EIF2AK4: variants seen among roughly 807,000 people sequenced by gnomAD.
The protein encoded by EIF2AK4 is eukaryotic translation initiation factor 2 alpha kinase 4.
In EIF2AK4, 139 loss-of-function variants were observed where a neutral mutation model predicts 211.1. The observed-to-expected ratio is 0.66, with a 90% CI of 0.57 to 0.76. The LOEUF is 0.76. Ranked by LOEUF, EIF2AK4 falls within the 30% of genes least tolerant of loss-of-function variation. EIF2AK4 has a pLI of 0.00. For synonymous variants in EIF2AK4, 710 were observed against 751.3 expected (o/e 0.94, Z 0.90); for missense variants, 1,664 against 2,043.8 (o/e 0.81, Z 3.58).
chr15:39,935,917 A>G (rs972263038), intron 1 of EIF2AK4, among the ~76,000 whole-genome samples: 5 of 152,266 alleles, frequency 3.3e-5, no homozygotes, highest in Admixed American at 3.3e-4. Flanking sequence ...CCTTAACATG[A>G]CAGAGAAGTT....
intron 14 of EIF2AK4, among the ~76,000 whole-genome samples, chr15:39,987,654 G>T (rs575400509): frequency 5.9e-5 from 9 of 152,148 alleles, no homozygotes; most frequent in East Asian, 1.9e-4. Flanking sequence ...GTTTGGAAGC[G>T]ATCTTGTAAA....
chr15:40,009,645 C>A lies in EIF2AK4; in HGVS notation c.3608C>A (p.Thr1203Asn). The A allele has an allele frequency of 6.2e-7, 1 of 1,604,736 alleles. No individual in the cohort carries two copies. Among genetic ancestry groups the A allele is most frequent in the Non-Finnish European group, 8.5e-7 (1 of 1,176,272 alleles). The change falls in exon 26 of 39, where the codon ACC (threonine) becomes AAC (asparagine). Residue 1203 changes from threonine to asparagine, a missense_variant. By Grantham distance (65) the Thr-to-Asn change is moderately conservative. Transcript: ENST00000263791. ...ERNYSIYLNH[T>N]MLLKAILLHC... is the part of the protein sequence containing the mutation. ...AATTACAGTATTTATTTGAACCATA[C>A]CATGTTATTGAAAGCAATACTCTTA...
intron 26 of EIF2AK4, among the ~76,000 whole-genome samples, chr15:40,010,240 G>A (rs12592831): frequency 0.62 from 94,183 of 152,044 alleles, 29,527 homozygotes; most frequent in African/African-American, 0.71. Flanking sequence ...AACTGTTCAT[G>A]TTGAGAATAA....
At chr15:40,027,593 T>C (rs560804563) in intron 33 of EIF2AK4, among the ~76,000 whole-genome samples, 16 of 152,214 alleles carry the variant, frequency 1.1e-4, no homozygotes, top group Non-Finnish European at 2.2e-4. Context: ...GGATGTTTAA[T>C]ATAATCCCAT....
At chr15:40,025,893 T>G (rs2035460024) in intron 32 of EIF2AK4, 84 bp from the exon 33 acceptor site, 1 of 1,298,622 alleles carries the variant, frequency 7.7e-7, no homozygotes, top group African/African-American at 1.5e-5. Flanking sequence ...AAACTATTGA[T>G]TTAGTAGTCT....
At chr15:40,030,968 G>A (rs543995504) in intron 35 of EIF2AK4, among the ~76,000 whole-genome samples, 14 of 152,192 alleles carry the variant, frequency 9.2e-5, no homozygotes, top group Non-Finnish European at 1.6e-4. Flanking sequence ...GGCCAGGTGC[G>A]GTGGCTTATG....
Position 39,990,384 on chromosome 15 carries a change from AT to A in EIF2AK4, c.2631+11del. The A allele has an allele frequency of 6.2e-7, 1 of 1,610,232 alleles. No homozygotes were observed. The highest frequency in any genetic ancestry group is 8.5e-7 in the Non-Finnish European group (1 of 1,176,744). On this transcript the variant is annotated splice_region_variant and intron_variant, in intron 16 of 38. Coordinates refer to ENST00000263791, the MANE Select transcript of EIF2AK4 (RefSeq NM_001013703.4). ...AGACCATCTAGCCTTTTCTGTAAGT[AT>A]TTTAAAAATTAGACTGTACCTAAAA...
chr15:40,019,817 G>A (rs1420655482), intron 30 of EIF2AK4, among the ~76,000 whole-genome samples: 3 of 152,022 alleles, frequency 2.0e-5, no homozygotes, highest in South Asian at 2.1e-4. Flanking sequence ...TATCTGTAAC[G>A]TACCATATAA....
chr15:40,032,436 CTT>C (rs2035556137), intron 36 of EIF2AK4, among the ~76,000 whole-genome samples, 199 bp downstream of exon 36: 2 of 152,198 alleles, frequency 1.3e-5, no homozygotes, highest in Admixed American at 6.5e-5. Context: ...CTTTGTTCCT[CTT>C]TAAGATAGAG....
In EIF2AK4 at chr15:39,988,204, A is replaced by T. The variant is rs982626395; in HGVS notation, c.2526+99A>T. On this transcript the variant is annotated intron_variant, in intron 15 of 38. Transcript: ENST00000263791. ...TAAGATTGGAGAAAAACTGAAATAG[A>T]GGGAAAGCTATGGGTATATTGACAT... 2.9e-6 allele frequency: 4 copies of T among 1,368,464 alleles called. No individual in the cohort carries two copies. In the Admixed American group the frequency reaches 7.5e-5, roughly 26 times the overall value. The allele number at this position is 1,368,464 out of a possible 1,614,324, so 84.8% of individuals were successfully genotyped here.
At chr15:40,009,150 G>C (rs2035203384) in intron 25 of EIF2AK4, among the ~76,000 whole-genome samples, 1 of 151,710 alleles carries the variant, frequency 6.6e-6, no homozygotes, top group Non-Finnish European at 1.5e-5. Context: ...GGTGTGCAGT[G>C]ATACTATCAC....
intron 13 of EIF2AK4, among the ~76,000 whole-genome samples, chr15:39,983,231 C>G (rs1224177849): frequency 6.6e-6 from 1 of 152,176 alleles, no homozygotes; most frequent in African/African-American, 2.4e-5. Context: ...TTTTAATGAT[C>G]ACCATTCTAA....
At chr15:40,008,440 A>T (rs868159989) in intron 25 of EIF2AK4, among the ~76,000 whole-genome samples, 44 of 152,140 alleles carry the variant, frequency 2.9e-4, no homozygotes, top group Non-Finnish European at 5.3e-4. Flanking sequence ...AAAATGCAAG[A>T]TATCAGGCTA....
rs537808731 is a variant in EIF2AK4 at position 40,003,206 on chromosome 15, G to C, written c.3249G>C (p.Leu1083Phe). 4.3e-5 allele frequency: 70 copies of C among 1,614,124 alleles called. 1 individual carries two copies. In the East Asian group the frequency reaches 6.9e-4, roughly 16 times the overall value. Residue 1083 changes from leucine to phenylalanine, a missense_variant, in exon 23 of 39, where the codon TTG becomes TTC. By Grantham distance (22) the Leu-to-Phe change is conservative. Transcript: ENST00000263791. ...CATTTGGTGTAGGAGCTGTTCAGTT[G>C]TGTACTCCACTACTGCTTCCCCGAA... is the stretch of plus-strand genomic sequence containing the variant. The part of the protein sequence containing the change: ...RIFKRHGAVQ[L>F]CTPLLLPRNR...
intron 9 of EIF2AK4, among the ~76,000 whole-genome samples, chr15:39,971,259 C>T (rs2034620540): frequency 6.6e-6 from 1 of 152,182 alleles, no homozygotes; most frequent in African/African-American, 2.4e-5. Flanking sequence ...CGTGATACCT[C>T]ACACCTGTAA....
chr15:40,000,084 A>G (rs1566999748), intron 20 of EIF2AK4, among the ~76,000 whole-genome samples: 1 of 152,230 alleles, frequency 6.6e-6, no homozygotes, highest in South Asian at 2.1e-4. Flanking sequence ...TGAGCATAGC[A>G]TAATTTTTTG....
Position 39,977,149 on chromosome 15 carries a change from A to G in EIF2AK4, c.2249+305A>G, listed in dbSNP as rs183382693. 610 of 306,010 alleles carry G rather than the reference A, an allele frequency of 2.0e-3. 4 individuals carry two copies. The highest frequency in any genetic ancestry group is 0.012 in the African/African-American group (574 of 46,770). The allele number at this position is 306,010 out of a possible 1,614,324, so 19.0% of individuals were successfully genotyped here. A position where few individuals can be genotyped will look rare whatever the true frequency, so the allele number is the denominator to read the frequency against. Reference sequence around the variant, plus strand: ...ACCATGTTTAAAAACAAAAACAAAAACAAAACAAAACCACCACTTTTAGAG... The same window carrying G: ...ACCATGTTTAAAAACAAAAACAAAAGCAAAACAAAACCACCACTTTTAGAG... On this transcript the variant is annotated intron_variant, in intron 12 of 38. Coordinates refer to ENST00000263791, the MANE Select transcript of EIF2AK4 (RefSeq NM_001013703.4).
chr15:40,009,878 A>G, intron 26 of EIF2AK4, 148 bp downstream of exon 26: 1 of 634,924 alleles, frequency 1.6e-6, no homozygotes, highest in South Asian at 2.0e-5. Context: ...AAATTGAAAG[A>G]ACCAATTGAT....
chr15:39,941,766 G>C (rs1042356057), intron 2 of EIF2AK4, among the ~76,000 whole-genome samples: 10 of 152,084 alleles, frequency 6.6e-5, no homozygotes, highest in Admixed American at 4.6e-4. Flanking sequence ...ACCTCTGTCT[G>C]CTAGATGTCG....
Sources: gnomAD v4.1 joint callset for allele counts (sites outside exome capture counted in the v4.1 genomes callset) on GRCh38, gnomAD v4.1.1 for gene constraint, MANE v1.5 for transcripts, NCBI Gene and HGNC (gene_info 2026-07-23, HGNC 2026-07-21) for gene names.